ADAM12: variants seen among roughly 807,000 people sequenced by gnomAD.
ADAM12 encodes the protein disintegrin and metalloproteinase domain-containing protein 12.
Under a neutral mutation model 106.4 loss-of-function variants are expected in ADAM12, and 70 were observed. That is an observed-to-expected ratio of 0.66 (90% CI 0.54 to 0.80). ADAM12 has a LOEUF of 0.80. ADAM12 is among the 30% of genes least tolerant of loss of function. ADAM12 has a pLI of 0.00. For synonymous variants in ADAM12, 420 were observed against 433.5 expected (o/e 0.97, Z 0.39); for missense variants, 1,010 against 1,171.9 (o/e 0.86, Z 2.02).
At chr10:126,237,699 G>A (rs936907733) in intron 3 of ADAM12, among the ~76,000 whole-genome samples, 2 of 152,214 alleles carry the variant, frequency 1.3e-5, no homozygotes, top group East Asian at 1.9e-4. Flanking sequence ...AAAATCATAC[G>A]TTTGTAGCAA....
At chr10:126,135,758 C>A in intron 4 of ADAM12, 98 bp from the exon 5 acceptor site, 1 of 1,064,430 alleles carries the variant, frequency 9.4e-7, no homozygotes, top group Non-Finnish European at 1.4e-6. Flanking sequence ...TAGAATTTTC[C>A]ATTGCATAAA....
intron 3 of ADAM12, among the ~76,000 whole-genome samples, chr10:126,224,996 G>A (rs1177419790): frequency 6.6e-6 from 1 of 152,246 alleles, no homozygotes; most frequent in East Asian, 1.9e-4. Context: ...TACTGCTCCT[G>A]CCGCCTCTGA....
intron 11 of ADAM12, among the ~76,000 whole-genome samples, chr10:126,092,783 TAAG>T (rs1014200477): frequency 4.6e-5 from 7 of 152,182 alleles, no homozygotes; most frequent in Admixed American, 3.3e-4. Flanking sequence ...TCACTTGCTG[TAAG>T]AAGATGCCTC....
chr10:126,155,336 T>C (rs1391389260), intron 3 of ADAM12, 31 bp from the exon 4 acceptor site: 2 of 1,590,640 alleles, frequency 1.3e-6, no homozygotes, highest in Non-Finnish European at 1.7e-6. Flanking sequence ...CATAAAAAGA[T>C]GAGTGCAGAA....
At chr10:126,373,564 G>T (rs144645371) in intron 1 of ADAM12, among the ~76,000 whole-genome samples, 1 of 152,272 alleles carries the variant, frequency 6.6e-6, no homozygotes, top group Non-Finnish European at 1.5e-5. Flanking sequence ...TGAAATGAGG[G>T]TGTCTGTTCT....
At chr10:126,107,278 C>T (rs1955791594) in intron 8 of ADAM12, among the ~76,000 whole-genome samples, 1 of 152,182 alleles carries the variant, frequency 6.6e-6, no homozygotes, top group Admixed American at 6.5e-5. Flanking sequence ...TGATTCTCTT[C>T]TGCATCCCCA....
chr10:126,031,398 G>A (rs970742729), intron 21 of ADAM12, among the ~76,000 whole-genome samples: 7 of 152,178 alleles, frequency 4.6e-5, no homozygotes, highest in South Asian at 4.1e-4. Context: ...TTATCCATTC[G>A]GAGCCAAATT....
chr10:126,045,682 C>T (rs1350032973), intron 17 of ADAM12, among the ~76,000 whole-genome samples: 1 of 152,122 alleles, frequency 6.6e-6, no homozygotes, highest in Non-Finnish European at 1.5e-5. Context: ...TGTTTTAATT[C>T]CTTTTGGAAA....
chr10:126,187,737 G>A (rs895342998), intron 3 of ADAM12, among the ~76,000 whole-genome samples: 1 of 152,238 alleles, frequency 6.6e-6, no homozygotes, highest in African/African-American at 2.4e-5. Flanking sequence ...GCAAGGCACA[G>A]CACGCTGGCC....
intron 3 of ADAM12, among the ~76,000 whole-genome samples, chr10:126,205,513 T>G (rs550164415): frequency 6.6e-6 from 1 of 152,220 alleles, no homozygotes; most frequent in African/African-American, 2.4e-5. Context: ...TACCATTTCT[T>G]GAAGCTCAAC....
At chr10:126,323,522 G>A (rs910699209) in intron 2 of ADAM12, among the ~76,000 whole-genome samples, 4 of 152,170 alleles carry the variant, frequency 2.6e-5, no homozygotes, top group South Asian at 2.1e-4. Context: ...AGTCAGAGTG[G>A]TTTGCAAGGC....
chr10:126,328,848 A>G lies in ADAM12; in HGVS notation c.186+1564T>C, dbSNP rs141676812. ...ATCATGGTTCTTCCTAGTCTTCTAA[A>G]AGATGATGCTTGTGACCCACAAGCA... On this transcript the variant is annotated intron_variant, in intron 2 of 22. Transcript: ENST00000448723. 1.3e-3 allele frequency among the ~76,000 whole-genome samples: 203 copies of G among 152,292 alleles called. 2 individuals carry two copies. The highest frequency in any genetic ancestry group is 4.6e-3 in the African/African-American group (191 of 41,556).
intron 3 of ADAM12, among the ~76,000 whole-genome samples, chr10:126,260,227 G>A (rs894718463): frequency 2.6e-5 from 4 of 152,198 alleles, no homozygotes; most frequent in South Asian, 2.1e-4. Flanking sequence ...GGGAGCCAGC[G>A]CTTCACGCTG....
At chr10:126,055,186 G>A (rs1954602313) in intron 14 of ADAM12, among the ~76,000 whole-genome samples, 1 of 152,158 alleles carries the variant, frequency 6.6e-6, no homozygotes, top group Admixed American at 6.5e-5. Flanking sequence ...TTCAATGAGT[G>A]TGGTTCCCCA....
intron 1 of ADAM12, among the ~76,000 whole-genome samples, chr10:126,345,380 G>T (rs1364625119): frequency 2.6e-5 from 4 of 152,190 alleles, no homozygotes; most frequent in Admixed American, 6.5e-5. Context: ...AAGCCCACTT[G>T]ATCATGGTAG....
At chr10:126,050,612 C>G (rs1303022765) in intron 14 of ADAM12, among the ~76,000 whole-genome samples, 1 of 152,240 alleles carries the variant, frequency 6.6e-6, no homozygotes, top group African/African-American at 2.4e-5. Flanking sequence ...GCTCTCCACC[C>G]TGGGGAGGCT....
chr10:126,284,748 T>C (rs1359279336), intron 2 of ADAM12, among the ~76,000 whole-genome samples: 4 of 152,214 alleles, frequency 2.6e-5, no homozygotes, highest in Non-Finnish European at 5.9e-5. Flanking sequence ...GTGACCCATC[T>C]CTTCTCTGCA....
intron 3 of ADAM12, among the ~76,000 whole-genome samples, chr10:126,263,681 T>G (rs1959044541): frequency 6.6e-6 from 1 of 152,226 alleles, no homozygotes; most frequent in African/African-American, 2.4e-5. Flanking sequence ...TTCAGTAACC[T>G]TGAATCTTTT....
At chr10:126,212,681 A>G (rs1957923695) in intron 3 of ADAM12, among the ~76,000 whole-genome samples, 1 of 152,216 alleles carries the variant, frequency 6.6e-6, no homozygotes, top group Admixed American at 6.5e-5. Context: ...TGATACAGGT[A>G]TCTCTTAAGC....
Sources: gnomAD v4.1 joint callset for allele counts (sites outside exome capture counted in the v4.1 genomes callset) on GRCh38, gnomAD v4.1.1 for gene constraint, MANE v1.5 for transcripts, NCBI Gene and HGNC (gene_info 2026-07-23, HGNC 2026-07-21) for gene names.